The following FLT1 variants were observed in gnomAD, a reference collection of about 807,000 sequenced individuals.
FLT1 encodes the protein vascular endothelial growth factor receptor 1.
Under a neutral mutation model 156.3 loss-of-function variants are expected in FLT1, and 49 were observed. That is an observed-to-expected ratio of 0.31 (90% confidence interval 0.25 to 0.40). The LOEUF is 0.40. Ranked by LOEUF, FLT1 falls within the 10% of genes least tolerant of loss-of-function variation. FLT1 has a pLI of 1.00. For synonymous variants in FLT1, 594 were observed against 583.8 expected, an observed-to-expected ratio of 1.02 and a Z score of -0.25; for missense variants, 1,322 against 1,637.2, an observed-to-expected ratio of 0.81 and a Z score of 3.32.
rs758883606 is a variant in FLT1, at chr13:28,466,943, C to T, written c.348G>A (p.Lys116=). ...SCKYLAVPTS[K]KKETESAIYI... is the part of the protein sequence containing the mutation. ...AGATTGCAGATTCTGTTTCCTTCTT[C>T]TTTGAAGTAGGTACAGCTAGATATT... The change falls in exon 3 of 30, where the codon AAG becomes AAA. Residue 116 remains lysine, a synonymous_variant. Transcript: ENST00000282397. 2 of 1,613,818 alleles carry T rather than the reference C, an allele frequency of 1.2e-6. No individual in the cohort carries two copies. Among genetic ancestry groups the T allele is most frequent in the South Asian group, 2.2e-5 (2 of 91,080 alleles).
intron 12 of FLT1, among the ~76,000 whole-genome samples, chr13:28,393,502 C>T (rs1165236900): frequency 2.0e-5 from 3 of 152,088 alleles, no homozygotes; most frequent in African/African-American, 4.8e-5. Flanking sequence ...AGTTTGGAGT[C>T]GAAGCGGTCA....
At chr13:28,451,203 G>C (rs1411838263) in intron 3 of FLT1, among the ~76,000 whole-genome samples, 1 of 152,152 alleles carries the variant, frequency 6.6e-6, no homozygotes, top group Non-Finnish European at 1.5e-5. Context: ...TGGGAGGACT[G>C]CCTGAGCTCA....
At chr13:28,346,193 T>C (rs1872560713) in intron 15 of FLT1, 1 of 152,868 alleles carries the variant, frequency 6.5e-6, no homozygotes, top group African/African-American at 2.4e-5. Context: ...AGGCAATTGC[T>C]GGACCTGAAT....
intron 3 of FLT1, among the ~76,000 whole-genome samples, chr13:28,457,934 T>TTC (rs2137601717): frequency 1.2e-5 from 1 of 84,636 alleles, no homozygotes; most frequent in South Asian, 3.5e-4. Context: ...TTTCCTTTTC[T>TTC]TTTTTTTTTT....
Position 28,322,935 on chromosome 13 carries a change from T to C in FLT1, c.2808A>G (p.Leu936=). 1.2e-6 allele frequency: 2 copies of C among 1,614,148 alleles called. No individual in the cohort carries two copies. The highest frequency in any genetic ancestry group is 1.7e-6 in the Non-Finnish European group (2 of 1,180,036). Reference sequence around the variant, plus strand: ...TTTTTTCTTTCTTAGGCTCCATGTGTAGTGCTGCATCCTTTGAAGAGACCG... The same window carrying C: ...TTTTTTCTTTCTTAGGCTCCATGTGCAGTGCTGCATCCTTTGAAGAGACCG... ...DLFFLNKDAA[L]HMEPKKEKME... The change falls in exon 21 of 30, where the codon CTA becomes CTG. Residue 936 remains leucine (L), a synonymous_variant. Transcript: ENST00000282397. This position sits in a 1 kb window ranked among gnomAD's most constrained non-coding sequence, Gnocchi z 4.3.
intron 14 of FLT1, among the ~76,000 whole-genome samples, chr13:28,372,968 A>C (rs905949338): frequency 6.6e-6 from 1 of 152,222 alleles, no homozygotes; most frequent in Non-Finnish European, 1.5e-5. Context: ...GCAAAGAGCC[A>C]TTAAATGAAA....
At chr13:28,443,835 C>T (rs1256912528) in intron 3 of FLT1, among the ~76,000 whole-genome samples, 1 of 152,198 alleles carries the variant, frequency 6.6e-6, no homozygotes, top group Admixed American at 6.5e-5. Context: ...ATGACTTACA[C>T]TGCCTATCAA....
chr13:28,322,658 C>A lies in FLT1; in HGVS notation c.2953+132G>T. On this transcript the variant is annotated intron_variant, in intron 21 of 29. Transcript: ENST00000282397. This position sits in a 1 kb window ranked among gnomAD's most constrained non-coding sequence, Gnocchi z 4.3. ...TAAATTATCTTAATTCAAATCTTAT[C>A]TCCTCAGGACATTACCATTCGAGTC... 1.2e-6 allele frequency: 1 copy of A among 851,582 alleles called. No homozygotes were observed. Among genetic ancestry groups the A allele is most frequent in the Non-Finnish European group, 2.0e-6 (1 of 506,560 alleles). 52.8% of individuals were successfully genotyped at this position (851,582 alleles called of 1,614,324 possible).
At chr13:28,313,881 A>G (rs1327642411) in intron 25 of FLT1, among the ~76,000 whole-genome samples, 3 of 94,192 alleles carry the variant, frequency 3.2e-5, no homozygotes, top group African/African-American at 7.8e-5. Context: ...GTAAGAATAC[A>G]GGGAGGTAAA....
At chr13:28,412,350 C>CTCTTTCTTTCTTTCTTTCTT (rs531785690) in intron 10 of FLT1, among the ~76,000 whole-genome samples, 2 of 93,708 alleles carry the variant, frequency 2.1e-5, no homozygotes, top group African/African-American at 7.6e-5. Context: ...TTCTTTCTTT[C>CTCTTTCTTTCTTTCTTTCTT]TCTTTCTTTC....
chr13:28,321,642 C>G, intron 22 of FLT1, 57 bp from the exon 23 acceptor site: 1 of 1,560,160 alleles, frequency 6.4e-7, no homozygotes, highest in Non-Finnish European at 8.8e-7. Flanking sequence ...AACTAATTTC[C>G]TACACCTGTC....
chr13:28,431,401 G>A (rs558687132), intron 6 of FLT1, 91 bp from the exon 7 acceptor site: 73 of 895,102 alleles, frequency 8.2e-5, no homozygotes, highest in South Asian at 4.6e-4. Context: ...TCATTAGTTC[G>A]ACAACAGCTT....
chr13:28,319,465 C>T lies in FLT1; in HGVS notation c.3244G>A (p.Val1082Met), dbSNP rs142586121. The T allele has an allele frequency of 1.5e-5, 25 of 1,613,834 alleles. No homozygotes were observed. Among genetic ancestry groups the T allele is most frequent in the African/African-American group, 1.2e-4 (9 of 74,934 alleles). ...CACAGCAATACTCCGTAAGACCACA[C>T]GTCGCTCTTGGTGCTGTAGATTTTG... ...FDKIYSTKSD[V>M]WSYGVLLWEI... Residue 1082 changes from valine (V) to methionine (M), a missense_variant, in exon 24 of 30, where the codon GTG (valine) becomes ATG (methionine). By Grantham distance (21) the Val-to-Met change is conservative. Transcript: ENST00000282397.
At chr13:28,489,846 T>C (rs1204239331) in intron 1 of FLT1, among the ~76,000 whole-genome samples, 1 of 152,190 alleles carries the variant, frequency 6.6e-6, no homozygotes, top group Admixed American at 6.5e-5. Context: ...GGAAAGTTAA[T>C]CTTCTCATCA....
intron 14 of FLT1, among the ~76,000 whole-genome samples, chr13:28,383,514 T>G (rs1874167822): frequency 6.6e-6 from 1 of 151,832 alleles, no homozygotes; most frequent in South Asian, 2.1e-4. Flanking sequence ...ATACAAAAAA[T>G]TAGCCAGGCG....
intron 14 of FLT1, among the ~76,000 whole-genome samples, chr13:28,384,168 A>G (rs1416908978): frequency 6.6e-6 from 1 of 152,224 alleles, no homozygotes; most frequent in African/African-American, 2.4e-5. Flanking sequence ...ACGCAGTGGC[A>G]TGCGCCTATA....
intron 25 of FLT1, among the ~76,000 whole-genome samples, chr13:28,312,768 G>C (rs1395694946): frequency 3.9e-5 from 6 of 152,026 alleles, no homozygotes; most frequent in African/African-American, 1.2e-4. Context: ...AGGTTCCTGT[G>C]TGTAGCTGAT....
chr13:28,303,444 T>C (rs1011722055), intron 29 of FLT1, 76 bp from the exon 30 acceptor site: 43 of 1,276,252 alleles, frequency 3.4e-5, no homozygotes, highest in South Asian at 1.5e-4. Flanking sequence ...ATCTACTCTT[T>C]CTGAGTGGGT....
At chr13:28,428,044 G>C in intron 8 of FLT1, 123 bp from the exon 9 acceptor site, 1 of 811,362 alleles carries the variant, frequency 1.2e-6, no homozygotes, top group East Asian at 2.6e-5. Context: ...CATCAGTGTT[G>C]ATTTTTAAAA....
Sources: allele counts gnomAD v4.1 joint callset (sites outside exome capture counted in the v4.1 genomes callset), GRCh38; gene constraint gnomAD v4.1.1; non-coding constraint Gnocchi (gnomAD v3.1); transcripts MANE v1.5; gene names NCBI Gene and HGNC (gene_info 2026-07-23, HGNC 2026-07-21).